The following SYN3 variants were observed in gnomAD, a reference collection of about 807,000 sequenced individuals.
SYN3 encodes the protein synapsin-3.
Under a neutral mutation model 65.8 loss-of-function variants are expected in SYN3, and 35 were observed. The observed-to-expected ratio is 0.53, with a 90% CI of 0.41 to 0.70. The LOEUF is 0.70. Among genes scored for constraint, SYN3 ranks in the 30% least tolerant of loss-of-function variants. The pLI is 0.00. For missense variants in SYN3, 680 were observed against 749.0 expected (o/e 0.91, Z 1.08); for synonymous variants, 270 against 292.9 (o/e 0.92, Z 0.80).
intron 7 of SYN3, among the ~76,000 whole-genome samples, chr22:32,581,458 G>A (rs1174572479): frequency 6.6e-6 from 1 of 152,188 alleles, no homozygotes; most frequent in Non-Finnish European, 1.5e-5. Flanking sequence ...CGCACGTCAA[G>A]TGCTCGCCCA....
At chr22:32,538,188 T>C (rs1422971873) in intron 8 of SYN3, 78 bp from the exon 9 acceptor site, 24 of 1,325,842 alleles carry the variant, frequency 1.8e-5, no homozygotes, top group Non-Finnish European at 2.6e-5. Flanking sequence ...GCTTTGGCTG[T>C]TAGGAGGCTC....
At chr22:32,541,517 A>G in intron 8 of SYN3, 54 bp downstream of exon 8, 1 of 1,605,472 alleles carries the variant, frequency 6.2e-7, no homozygotes, top group South Asian at 1.1e-5. Flanking sequence ...CTGGACATGC[A>G]CCTCTGGGCT....
chr22:32,631,059 C>T (rs1432129143), intron 6 of SYN3, among the ~76,000 whole-genome samples: 3 of 148,524 alleles, frequency 2.0e-5, no homozygotes, highest in Non-Finnish European at 4.4e-5. Context: ...TTTGGGAGGC[C>T]GAGGCGGGCG....
intron 6 of SYN3, among the ~76,000 whole-genome samples, chr22:32,719,004 C>G (rs2061078281): frequency 6.6e-6 from 1 of 152,190 alleles, no homozygotes. Flanking sequence ...GAAGTCTTGA[C>G]TTCCATTTTT....
rs5749526 is a variant in SYN3, at chr22:32,852,288, C to T, written c.711+12627G>A. Reference sequence around the variant, plus strand: ...AGTATGGAGCAGCAGGCTGATTCATCATTCCTACCCACTTTGGGGTATATA... The same window carrying T: ...AGTATGGAGCAGCAGGCTGATTCATTATTCCTACCCACTTTGGGGTATATA... On this transcript the variant is annotated intron_variant, in intron 6 of 13. Coordinates refer to ENST00000358763, the MANE Select transcript of SYN3 (RefSeq NM_003490.4). Among the ~76,000 whole-genome samples the T allele has an allele frequency of 7.4e-3, 1,120 of 152,326 alleles. 7 individuals are homozygous for T. Among genetic ancestry groups the T allele is most frequent in the African/African-American group, 0.014 (596 of 41,576 alleles).
intron 4 of SYN3, among the ~76,000 whole-genome samples, chr22:32,887,394 A>AT (rs2049322659): frequency 6.6e-6 from 1 of 152,012 alleles, no homozygotes. Context: ...AAAAAAAAAA[A>AT]GAACTGTGTG....
At chr22:32,802,176 G>C in intron 6 of SYN3, 1 of 1,543,544 alleles carries the variant, frequency 6.5e-7, no homozygotes, top group South Asian at 1.2e-5. Flanking sequence ...GGACTGCAGC[G>C]CTGCTTAGGG....
chr22:32,823,666 GC>G (rs1302849220), intron 6 of SYN3, among the ~76,000 whole-genome samples: 1 of 152,156 alleles, frequency 6.6e-6, no homozygotes, highest in African/African-American at 2.4e-5. Context: ...ATGGTAACTG[GC>G]TGAGGCAGGA....
intron 6 of SYN3, among the ~76,000 whole-genome samples, chr22:32,705,030 T>A (rs946223001): frequency 1.5e-4 from 23 of 152,352 alleles, no homozygotes; most frequent in Middle Eastern, 3.4e-3. Flanking sequence ...GATGGTTTCT[T>A]TTGCTGTGCA....
intron 8 of SYN3, among the ~76,000 whole-genome samples, chr22:32,539,599 G>A (rs1320369105): frequency 1.3e-5 from 2 of 152,196 alleles, no homozygotes; most frequent in East Asian, 1.9e-4. Flanking sequence ...ACAAAGGCCC[G>A]AGTGCAGGGC....
intron 6 of SYN3, among the ~76,000 whole-genome samples, chr22:32,623,178 T>C (rs963203797): frequency 6.6e-6 from 1 of 152,104 alleles, no homozygotes; most frequent in Non-Finnish European, 1.5e-5. Context: ...TTTTGCTTTT[T>C]TTTTTGTCAT....
intron 4 of SYN3, among the ~76,000 whole-genome samples, chr22:32,911,997 C>T (rs532507004): frequency 2.2e-4 from 33 of 152,346 alleles, no homozygotes; most frequent in African/African-American, 7.9e-4. Flanking sequence ...AGACACTGAA[C>T]CTCTCTGAGC....
intron 6 of SYN3, among the ~76,000 whole-genome samples, chr22:32,830,801 CT>C (rs1490126003): frequency 6.6e-6 from 1 of 152,212 alleles, no homozygotes; most frequent in Non-Finnish European, 1.5e-5. Flanking sequence ...TCTGTGGCCC[CT>C]GGCTTCTCCC....
chr22:32,780,099 A>G (rs909721752), intron 6 of SYN3, among the ~76,000 whole-genome samples: 1 of 147,358 alleles, frequency 6.8e-6, no homozygotes, highest in African/African-American at 2.5e-5. Flanking sequence ...AAAAAGAGAA[A>G]AAAAACAGAA....
At chr22:32,569,571 C>CTATATATATATATA (rs1555898682) in intron 7 of SYN3, among the ~76,000 whole-genome samples, 8 of 90,934 alleles carry the variant, frequency 8.8e-5, no homozygotes, top group South Asian at 5.2e-4. Context: ...CTCTCTCTCT[C>CTATATATATATATA]TATATATATA....
At chr22:32,517,305 C>A (rs1884727502) in intron 13 of SYN3, among the ~76,000 whole-genome samples, 1 of 152,216 alleles carries the variant, frequency 6.6e-6, no homozygotes, top group Non-Finnish European at 1.5e-5. Flanking sequence ...AAAAGCAGTT[C>A]TACCATGTAA....
intron 6 of SYN3, among the ~76,000 whole-genome samples, chr22:32,711,013 C>A (rs896667614): frequency 2.0e-5 from 3 of 152,176 alleles, no homozygotes; most frequent in African/African-American, 4.8e-5. Context: ...GCTCTTCACT[C>A]TTCTTCTCCT....
At chr22:32,703,653 A>AG (rs1489792232) in intron 6 of SYN3, among the ~76,000 whole-genome samples, 57 of 151,506 alleles carry the variant, frequency 3.8e-4, no homozygotes, top group Non-Finnish European at 6.0e-4. Context: ...AAAAAAAAAA[A>AG]AGAGAGAGAG....
intron 6 of SYN3, among the ~76,000 whole-genome samples, chr22:32,781,029 T>C (rs1404738898): frequency 5.5e-5 from 8 of 145,438 alleles, no homozygotes; most frequent in Non-Finnish European, 1.2e-4. Flanking sequence ...CTCTCTCTCT[T>C]TTTTCTTTCT....
Sources: allele counts gnomAD v4.1 joint callset (sites outside exome capture counted in the v4.1 genomes callset), GRCh38; gene constraint gnomAD v4.1.1; transcripts MANE v1.5; gene names NCBI Gene and HGNC (gene_info 2026-07-23, HGNC 2026-07-21).